Variants in CDH18 observed in about 807,000 individuals in gnomAD.
The protein encoded by CDH18 is cadherin-18.
Under a neutral mutation model 67.9 loss-of-function variants are expected in CDH18, and 31 were observed. The observed-to-expected ratio is 0.46, with a 90% CI of 0.34 to 0.62. The LOEUF is 0.62. Ranked by LOEUF, CDH18 falls within the 20% of genes least tolerant of loss-of-function variation. The pLI is 0.01. For synonymous variants in CDH18, 362 were observed against 347.2 expected (o/e 1.04, Z -0.48); for missense variants, 890 against 975.5 (o/e 0.91, Z 1.17).
At chr5:20,019,962 C>T (rs868250501) in intron 2 of CDH18, among the ~76,000 whole-genome samples, 7 of 152,122 alleles carry the variant, frequency 4.6e-5, no homozygotes, top group African/African-American at 1.7e-4. Context: ...TGAAGTCCAG[C>T]CTGAGGTAGT....
At position 20,334,753 on chromosome 5, in the gene CDH18, T is replaced by TACACACAC. The variant is rs35282241; in HGVS notation, c.-579-79256_-579-79249dup. On this transcript the variant is annotated intron_variant, in intron 1 of 14. Transcript: ENST00000507958. ...GATCTCTCTCTCTCTCTCTCTCTCA[T>TACACACAC]ACACACACACACACACACACACACA... Among the ~76,000 whole-genome samples the TACACACAC allele has an allele frequency of 9.7e-3, 1,344 of 138,402 alleles. 16 individuals are homozygous for TACACACAC. The highest frequency in any genetic ancestry group is 0.024 in the African/African-American group (907 of 38,034). The allele number at this position is 138,402 out of a possible 152,430, so 90.8% of individuals were successfully genotyped here. A position where few individuals can be genotyped will look rare whatever the true frequency, so the allele number is the denominator to read the frequency against.
At chr5:20,339,767 G>A (rs571837377) in intron 1 of CDH18, among the ~76,000 whole-genome samples, 4 of 152,224 alleles carry the variant, frequency 2.6e-5, no homozygotes, top group African/African-American at 7.2e-5. Flanking sequence ...TTGGTACTCC[G>A]GATAATGCTG....
chr5:19,878,620 T>C (rs1287800016), intron 2 of CDH18, among the ~76,000 whole-genome samples: 1 of 152,016 alleles, frequency 6.6e-6, no homozygotes, highest in African/African-American at 2.4e-5. Context: ...CATTCTCTCA[T>C]TTAAGGCTTA....
chr5:20,161,507 G>A (rs1735889360), intron 2 of CDH18, among the ~76,000 whole-genome samples: 1 of 152,192 alleles, frequency 6.6e-6, no homozygotes, highest in Non-Finnish European at 1.5e-5. Context: ...AAGTCAACTG[G>A]AAGTACAGTT....
intron 1 of CDH18, among the ~76,000 whole-genome samples, chr5:20,412,644 C>T (rs1418931771): frequency 6.6e-5 from 10 of 152,046 alleles, no homozygotes; most frequent in Non-Finnish European, 1.5e-4. Flanking sequence ...TAAAACAAAA[C>T]AACAACAAAA....
At chr5:20,095,201 G>T (rs1745785051) in intron 2 of CDH18, among the ~76,000 whole-genome samples, 1 of 151,334 alleles carries the variant, frequency 6.6e-6, no homozygotes, top group Non-Finnish European at 1.5e-5. Context: ...AATACCTAAT[G>T]TAGATGACGG....
intron 9 of CDH18, among the ~76,000 whole-genome samples, chr5:19,526,768 T>G (rs1162382060): frequency 6.6e-6 from 1 of 152,030 alleles, no homozygotes; most frequent in Non-Finnish European, 1.5e-5. Flanking sequence ...TTAAAAATAT[T>G]TGTCAAATAT....
At chr5:19,511,121 G>C (rs1284722339) in intron 10 of CDH18, among the ~76,000 whole-genome samples, 1 of 151,978 alleles carries the variant, frequency 6.6e-6, no homozygotes, top group African/African-American at 2.4e-5. Context: ...CGATCTGATG[G>C]TTTTATAAGC....
At position 19,543,938 on chromosome 5, in the gene CDH18, T is replaced by TA; in HGVS notation, c.1320dup (p.Arg441Ter). 1 of 1,599,132 alleles carries TA rather than the reference T, an allele frequency of 6.3e-7. No individual in the cohort carries two copies. The highest frequency in any genetic ancestry group is 1.1e-5 in the South Asian group (1 of 89,548). ...TCTCTGTCGAGAACCTTTGTAGTCC[T>TA]AATGGTCCCAGTATTGGCATCAATG... On this transcript the variant is annotated frameshift_variant, in exon 9 of 13. Transcript: ENST00000382275. LOFTEE classifies it high-confidence loss of function.
intron 6 of CDH18, among the ~76,000 whole-genome samples, chr5:19,599,873 C>G (rs553060798): frequency 1.3e-5 from 2 of 152,086 alleles, no homozygotes; most frequent in East Asian, 1.9e-4. Context: ...GGCGACAGAG[C>G]GAGACTGTGT....
intron 2 of CDH18, among the ~76,000 whole-genome samples, chr5:20,151,938 C>T (rs1350374435): frequency 6.6e-6 from 1 of 151,068 alleles, no homozygotes; most frequent in Non-Finnish European, 1.5e-5. Context: ...GCCATGGAAT[C>T]CAGAATATAT....
At chr5:20,148,031 T>C (rs1327210389) in intron 2 of CDH18, among the ~76,000 whole-genome samples, 1 of 152,072 alleles carries the variant, frequency 6.6e-6, no homozygotes, top group Non-Finnish European at 1.5e-5. Flanking sequence ...CTTTTTTATG[T>C]TTTGCTTTTG....
chr5:19,810,475 AC>A (rs1355849279), intron 3 of CDH18, among the ~76,000 whole-genome samples: 8 of 152,170 alleles, frequency 5.3e-5, no homozygotes, highest in Non-Finnish European at 2.9e-5. Context: ...CAGCATTAAT[AC>A]ATTAGAGATA....
intron 11 of CDH18, among the ~76,000 whole-genome samples, chr5:19,501,202 T>C (rs1233195323): frequency 6.8e-6 from 1 of 148,018 alleles, no homozygotes; most frequent in Non-Finnish European, 1.5e-5. Flanking sequence ...ATTACATATA[T>C]AAACATATAT....
chr5:20,420,806 G>C (rs1747801004), intron 1 of CDH18, among the ~76,000 whole-genome samples: 1 of 151,014 alleles, frequency 6.6e-6, no homozygotes, highest in Non-Finnish European at 1.5e-5. Context: ...TATTAATTCA[G>C]AACTATAATA....
intron 1 of CDH18, among the ~76,000 whole-genome samples, chr5:20,309,209 T>C (rs1736774992): frequency 6.6e-6 from 1 of 152,216 alleles, no homozygotes; most frequent in Non-Finnish European, 1.5e-5. Context: ...CTTGTTTCAC[T>C]CTTGAGGGAG....
At chr5:19,922,633 A>G (rs1157771881) in intron 2 of CDH18, among the ~76,000 whole-genome samples, 1 of 152,170 alleles carries the variant, frequency 6.6e-6, no homozygotes, top group Non-Finnish European at 1.5e-5. Flanking sequence ...GCTGCTATGT[A>G]CTTGGGTGAA....
At chr5:20,166,673 C>G (rs939491479) in intron 2 of CDH18, among the ~76,000 whole-genome samples, 1 of 152,042 alleles carries the variant, frequency 6.6e-6, no homozygotes, top group Non-Finnish European at 1.5e-5. Context: ...TAAAAAGCTT[C>G]TTAGTAGCAG....
intron 1 of CDH18, among the ~76,000 whole-genome samples, chr5:20,285,212 T>C (rs1023163604): frequency 6.6e-6 from 1 of 151,330 alleles, no homozygotes; most frequent in Non-Finnish European, 1.5e-5. Context: ...AATTATACTC[T>C]TTTTCAAAGA....
Sources: gnomAD v4.1 joint callset for allele counts (sites outside exome capture counted in the v4.1 genomes callset) on GRCh38, gnomAD v4.1.1 for gene constraint, MANE v1.5 for transcripts, NCBI Gene and HGNC (gene_info 2026-07-23, HGNC 2026-07-21) for gene names.